Variants in FANCB observed in about 807,000 individuals in gnomAD.
FANCB encodes FA complementation group B.
A neutral mutation model predicts 38.9 loss-of-function variants in FANCB; 5 were observed. The ratio of observed to expected loss-of-function variants is 0.13; its 90% CI spans 0.07 to 0.27. FANCB has a LOEUF of 0.27. FANCB is among the 10% of genes least tolerant of loss of function. The pLI is 1.00. For missense variants in FANCB, 573 were observed against 602.7 expected (o/e 0.95, Z 0.52); for synonymous variants, 236 against 215.4 (o/e 1.10, Z -0.84).
chrX:14,699,011 T>C, the FANCB span, among the ~76,000 whole-genome samples: 1 of 111,769 alleles, frequency 8.9e-6, no homozygotes, highest in Non-Finnish European at 1.9e-5. Flanking sequence ...TTGATTATCT[T>C]TTCTAGGTTT....
At chrX:14,840,285 A>G (rs1164325124), downstream of FANCB, among the ~76,000 whole-genome samples, 4 of 111,848 alleles carry the variant, frequency 3.6e-5, no homozygotes, top group Admixed American at 3.8e-4. Flanking sequence ...TTGCCTTGTG[A>G]TTATAAGGTA....
exon 11 of FANCB, chrX:14,836,251 A>G (rs964544780): frequency 8.9e-6 from 1 of 112,154 alleles, no homozygotes; most frequent in Non-Finnish European, 1.9e-5. Context: ...GGTGGTTGCC[A>G]AGAGCTGGTG....
At chrX:14,810,887 A>G in the FANCB span, among the ~76,000 whole-genome samples, 67 of 111,935 alleles carry the variant, frequency 6.0e-4, no homozygotes, top group African/African-American at 1.7e-3. Flanking sequence ...AATTGAAATG[A>G]AGGAAAAAAT....
chrX:14,759,594 G>T, the FANCB span, among the ~76,000 whole-genome samples: 1 of 111,249 alleles, frequency 9.0e-6, no homozygotes, highest in African/African-American at 3.3e-5. Context: ...ATAATTATCA[G>T]CCAAGAATTT....
intron 3 of FANCB, chrX:14,862,472 C>T (rs1038490095): frequency 8.9e-6 from 1 of 111,811 alleles, no homozygotes; most frequent in African/African-American, 3.3e-5. Flanking sequence ...ATGATGCAGT[C>T]TCCTGCCTTG....
the FANCB span, among the ~76,000 whole-genome samples, chrX:14,726,438 A>T: frequency 8.9e-6 from 1 of 112,358 alleles, no homozygotes; most frequent in Non-Finnish European, 1.9e-5. Context: ...TAAATGGATA[A>T]TTTTTACTCA....
chrX:14,766,650 C>T, the FANCB span, among the ~76,000 whole-genome samples: 4 of 109,765 alleles, frequency 3.6e-5, no homozygotes, highest in African/African-American at 1.3e-4. Flanking sequence ...TATGTGTTTT[C>T]ATTAACTCAT....
the FANCB span, among the ~76,000 whole-genome samples, chrX:14,814,763 G>A: frequency 2.7e-5 from 3 of 112,116 alleles, no homozygotes; most frequent in South Asian, 7.3e-4. Flanking sequence ...ACAGTGTGGC[G>A]ATTCCTCAGG....
At chrX:14,724,884 G>C in the FANCB span, among the ~76,000 whole-genome samples, 13 of 111,207 alleles carry the variant, frequency 1.2e-4, no homozygotes, top group Non-Finnish European at 1.9e-5. Flanking sequence ...TTTCAACTTT[G>C]TTGTTCTGCA....
At chrX:14,793,686 C>T in the FANCB span, among the ~76,000 whole-genome samples, 1 of 112,178 alleles carries the variant, frequency 8.9e-6, no homozygotes, top group Non-Finnish European at 1.9e-5. Context: ...TGAGTTAACA[C>T]GCGTAGAGAG....
the FANCB span, among the ~76,000 whole-genome samples, chrX:14,746,177 T>A: frequency 1.1e-3 from 126 of 112,153 alleles, no homozygotes; most frequent in Non-Finnish European, 2.2e-3. Context: ...GCATTCCACA[T>A]CCTTCTCCAG....
chrX:14,815,681 A>T, the FANCB span, among the ~76,000 whole-genome samples: 1 of 112,322 alleles, frequency 8.9e-6, no homozygotes, highest in Non-Finnish European at 1.9e-5. Flanking sequence ...TACCCAAAGG[A>T]AAAGCAATCA....
chrX:14,690,653 C>A, the FANCB span: 1 of 870,741 alleles, frequency 1.1e-6, no homozygotes, highest in Non-Finnish European at 1.7e-6. Flanking sequence ...CTTTCATAGT[C>A]TTTCTTTCTC....
chrX:14,748,639 T>C, the FANCB span, among the ~76,000 whole-genome samples: 2 of 112,622 alleles, frequency 1.8e-5, no homozygotes, highest in African/African-American at 6.4e-5. Context: ...AGACCATGAC[T>C]TTCTGAACAT....
In FANCB at chrX:14,868,996, AAAG is replaced by A. The variant is rs1165222204; in HGVS notation, c.-147_-145del. ...ACAAAGTAGTTTCAGCTTCATCAGT[AAAG>A]AAGATAGGGTAGGTAAATCAAAGGT... On this transcript the variant is annotated 5_prime_UTR_variant, in exon 2 of 10. Coordinates refer to ENST00000650831, the MANE Select transcript of FANCB (RefSeq NM_001018113.3). The A allele has an allele frequency of 8.9e-6, 1 of 112,029 alleles. No homozygotes were observed. Among genetic ancestry groups the A allele is most frequent in the East Asian group, 2.8e-4 (1 of 3,585 alleles). The allele number at this position is 112,029 out of a possible 1,213,427, so 9.2% of individuals were successfully genotyped here. A position where few individuals can be genotyped will look rare whatever the true frequency, so the allele number is the denominator to read the frequency against.
the FANCB span, among the ~76,000 whole-genome samples, chrX:14,720,220 G>A: frequency 9.0e-6 from 1 of 111,599 alleles, no homozygotes; most frequent in Non-Finnish European, 1.9e-5. Context: ...ATTAAGTTTT[G>A]AGGTGATTTA....
the FANCB span, among the ~76,000 whole-genome samples, chrX:14,771,997 G>A: frequency 2.7e-5 from 3 of 111,320 alleles, no homozygotes; most frequent in Non-Finnish European, 5.7e-5. Context: ...CCATCCCAGG[G>A]GGATACTGAC....
the FANCB span, among the ~76,000 whole-genome samples, chrX:14,693,532 T>A: frequency 2.9e-4 from 32 of 111,943 alleles, no homozygotes; most frequent in African/African-American, 9.7e-4. Context: ...TGAGGAATTG[T>A]AATATACCTC....
At chrX:14,786,653 G>T in the FANCB span, among the ~76,000 whole-genome samples, 1 of 111,690 alleles carries the variant, frequency 9.0e-6, no homozygotes. Context: ...TTCCATGTCT[G>T]CAATAAGAAA....
Sources: allele counts gnomAD v4.1 joint callset (sites outside exome capture counted in the v4.1 genomes callset), GRCh38; gene constraint gnomAD v4.1.1; transcripts MANE v1.5; gene names NCBI Gene and HGNC (gene_info 2026-07-23, HGNC 2026-07-21).